NFIA: variants seen among roughly 807,000 people sequenced by gnomAD.
NFIA encodes nuclear factor 1 A-type.
A neutral mutation model predicts 62.8 loss-of-function variants in NFIA; 8 were observed. The observed-to-expected ratio is 0.13, with a 90% CI of 0.07 to 0.23. NFIA has a LOEUF of 0.23. NFIA is among the 10% of genes least tolerant of loss of function. The pLI is 1.00. For missense variants in NFIA, 410 were observed against 642.1 expected, an observed-to-expected ratio of 0.64 and a Z score of 3.91; for synonymous variants, 235 against 238.1, an observed-to-expected ratio of 0.99 and a Z score of 0.12.
chr1:61,347,498 A>C (rs1170290002), intron 4 of NFIA, among the ~76,000 whole-genome samples: 2 of 152,022 alleles, frequency 1.3e-5, no homozygotes, highest in Non-Finnish European at 2.9e-5. Context: ...CTCCAAACTT[A>C]TGCACATACT....
At chr1:61,258,765 G>C (rs955515998) in intron 2 of NFIA, among the ~76,000 whole-genome samples, 2 of 151,688 alleles carry the variant, frequency 1.3e-5, no homozygotes, top group Non-Finnish European at 2.9e-5. Flanking sequence ...GTCTCACTTT[G>C]CCACCCAGGC....
chr1:61,153,361 G>A (rs1048038953), intron 2 of NFIA, among the ~76,000 whole-genome samples: 1 of 152,094 alleles, frequency 6.6e-6, no homozygotes, highest in African/African-American at 2.4e-5. Flanking sequence ...TATACTAAGG[G>A]TCTAAATCTG....
intron 6 of NFIA, among the ~76,000 whole-genome samples, chr1:61,370,752 T>G (rs1663839332): frequency 6.6e-6 from 1 of 152,194 alleles, no homozygotes; most frequent in Non-Finnish European, 1.5e-5. Context: ...GTTCGGTATT[T>G]ATTCAGACAA....
At chr1:61,256,003 T>C (rs1656368903) in intron 2 of NFIA, among the ~76,000 whole-genome samples, 1 of 152,132 alleles carries the variant, frequency 6.6e-6, no homozygotes, top group African/African-American at 2.4e-5. Context: ...AGCATATCGT[T>C]TAGTCCAGGC....
chr1:61,173,962 A>G (rs1168751098), intron 2 of NFIA, among the ~76,000 whole-genome samples: 1 of 152,182 alleles, frequency 6.6e-6, no homozygotes. Flanking sequence ...CTCTAAATAA[A>G]TATTATTCTG....
At chr1:61,327,460 A>T (rs891599546) in intron 3 of NFIA, among the ~76,000 whole-genome samples, 4 of 151,888 alleles carry the variant, frequency 2.6e-5, no homozygotes, top group Non-Finnish European at 4.4e-5. Context: ...CACTCTGTAT[A>T]CGTCTGCACA....
rs1176399144 is a variant in NFIA at position 61,334,533 on chromosome 1, A to ATGTGTGTG, written c.700+1948_700+1949insGTGTGTGT. ...ATGGGGAGTATTTGTGTGTGTGTAT[A>ATGTGTGTG]TATGTGTGTGTGTGTGTGTGTGTAT... On this transcript the variant is annotated intron_variant, in intron 4 of 10. Transcript: ENST00000403491. 6.7e-4 allele frequency among the ~76,000 whole-genome samples: 6 copies of ATGTGTGTG among 8,900 alleles called. 1 individual carries two copies. Among genetic ancestry groups the ATGTGTGTG allele is most frequent in the East Asian group, 5.0e-3 (1 of 202 alleles). 5.8% of individuals were successfully genotyped at this position (8,900 alleles called of 152,430 possible). A position where few individuals can be genotyped will look rare whatever the true frequency, so the allele number is the denominator to read the frequency against.
chr1:61,404,832 G>A (rs1461122052), intron 8 of NFIA, among the ~76,000 whole-genome samples: 1 of 152,086 alleles, frequency 6.6e-6, no homozygotes, highest in East Asian at 1.9e-4. Flanking sequence ...ACTTATCTTG[G>A]TATAAAGCTA....
At chr1:61,087,660 T>C (rs1646242122) in intron 1 of NFIA, among the ~76,000 whole-genome samples, 1 of 152,196 alleles carries the variant, frequency 6.6e-6, no homozygotes, top group East Asian at 1.9e-4. Context: ...GTAGAGATGA[T>C]TTTTTGCTCC....
At chr1:61,204,796 G>C (rs1489023850) in intron 2 of NFIA, among the ~76,000 whole-genome samples, 1 of 152,108 alleles carries the variant, frequency 6.6e-6, no homozygotes, top group Non-Finnish European at 1.5e-5. Context: ...GACACCTGTA[G>C]TCTATGATTA....
At chr1:61,131,286 A>C (rs536192994) in intron 2 of NFIA, among the ~76,000 whole-genome samples, 83 of 152,174 alleles carry the variant, frequency 5.5e-4, no homozygotes, top group African/African-American at 2.0e-3. Flanking sequence ...TATCATTCTA[A>C]TTAGTGATTA....
chr1:61,288,375 A>G (rs902200723), intron 3 of NFIA, among the ~76,000 whole-genome samples: 3 of 152,242 alleles, frequency 2.0e-5, no homozygotes, highest in Admixed American at 2.0e-4. Flanking sequence ...AATTGGGACA[A>G]CTTTGCTAGG....
intron 2 of NFIA, among the ~76,000 whole-genome samples, chr1:61,143,127 G>A (rs1647664506): frequency 6.6e-6 from 1 of 152,066 alleles, no homozygotes; most frequent in African/African-American, 2.4e-5. Context: ...AAGCTTTTTG[G>A]GGTGGCAAGA....
chr1:61,214,398 T>A (rs544916250), intron 2 of NFIA, among the ~76,000 whole-genome samples: 1 of 152,114 alleles, frequency 6.6e-6, no homozygotes, highest in Non-Finnish European at 1.5e-5. Flanking sequence ...ATGATGGGAA[T>A]TGGGAGTAGA....
rs576613886 is a variant in NFIA at position 61,283,581 on chromosome 1, C to CAAAAAAAAAAAAA, written c.625+6011_625+6023dup. 8.4e-4 allele frequency among the ~76,000 whole-genome samples: 31 copies of CAAAAAAAAAAAAA among 36,692 alleles called. 1 individual carries two copies. The highest frequency in any genetic ancestry group is 2.7e-3 in the East Asian group (3 of 1,092). The allele number at this position is 36,692 out of a possible 152,430, so 24.1% of individuals were successfully genotyped here. ...TGGGTGACAGAACGAGACTCTGTCT[C>CAAAAAAAAAAAAA]AAAAAAAAAAAAAAAAAAAAAAAAA... is the stretch of plus-strand genomic sequence containing the variant. On this transcript the variant is annotated intron_variant, in intron 3 of 10. Coordinates refer to ENST00000403491, the MANE Select transcript of NFIA (RefSeq NM_001134673.4).
chr1:61,293,085 A>G (rs1557687532), intron 3 of NFIA, among the ~76,000 whole-genome samples: 1 of 152,148 alleles, frequency 6.6e-6, no homozygotes, highest in East Asian at 1.9e-4. Flanking sequence ...GAACATACTA[A>G]CCGCATCACA....
intron 2 of NFIA, among the ~76,000 whole-genome samples, chr1:61,140,945 T>G (rs1018680196): frequency 1.3e-5 from 2 of 149,246 alleles, no homozygotes; most frequent in African/African-American, 2.5e-5. Flanking sequence ...GTAGTTGGGC[T>G]GTGGTCTAAC....
At chr1:61,202,941 A>G (rs951466006) in intron 2 of NFIA, among the ~76,000 whole-genome samples, 1 of 152,242 alleles carries the variant, frequency 6.6e-6, no homozygotes, top group Non-Finnish European at 1.5e-5. Flanking sequence ...TGGAAACTGC[A>G]CATTTGTGCA....
At chr1:61,152,073 A>T (rs1012262688) in intron 2 of NFIA, among the ~76,000 whole-genome samples, 11 of 152,154 alleles carry the variant, frequency 7.2e-5, no homozygotes, top group African/African-American at 2.7e-4. Flanking sequence ...ATGGCCCCTT[A>T]GGTAACATGA....
Sources: gnomAD v4.1 joint callset for allele counts (sites outside exome capture counted in the v4.1 genomes callset) on GRCh38, gnomAD v4.1.1 for gene constraint, MANE v1.5 for transcripts, NCBI Gene and HGNC (gene_info 2026-07-23, HGNC 2026-07-21) for gene names.